ME2: variants seen among roughly 807,000 people sequenced by gnomAD.
ME2 encodes malic enzyme 2.
A neutral mutation model predicts 73.7 loss-of-function variants in ME2; 60 were observed. That is an observed-to-expected ratio of 0.81 (90% CI 0.66 to 1.01). ME2 has a LOEUF of 1.01. Ranked by LOEUF, ME2 falls within the 50% of genes least tolerant of loss-of-function variation. The pLI, the probability that ME2 is intolerant of heterozygous loss-of-function variation, is 0.00. For synonymous variants in ME2, 199 were observed against 236.9 expected (o/e 0.84, Z 1.47); for missense variants, 594 against 705.5 (o/e 0.84, Z 1.79).
At position 50,927,013 on chromosome 18, in the gene ME2, G is replaced by A. The variant is rs959184581; in HGVS notation, c.1314+1115G>A. Reference sequence around the variant, plus strand: ...GGCTGTTTTTTTTGAGTCATCTGGCGCTGTGGAGAACAAATTTTTATTTAC... The same window carrying A: ...GGCTGTTTTTTTTGAGTCATCTGGCACTGTGGAGAACAAATTTTTATTTAC... On this transcript the variant is annotated intron_variant, in intron 12 of 15. Coordinates refer to ENST00000321341, the MANE Select transcript of ME2 (RefSeq NM_002396.5). 1.4e-4 allele frequency among the ~76,000 whole-genome samples: 21 copies of A among 152,174 alleles called. No homozygotes were observed. In the East Asian group the frequency reaches 1.9e-3, roughly 14 times the overall value.
intron 1 of ME2, among the ~76,000 whole-genome samples, chr18:50,883,958 C>A (rs542629233): frequency 6.6e-6 from 1 of 152,192 alleles, no homozygotes; most frequent in Non-Finnish European, 1.5e-5. Context: ...GTTTTTACTT[C>A]ACTCACTCCT....
intron 2 of ME2, among the ~76,000 whole-genome samples, chr18:50,902,890 G>T (rs1398933575): frequency 6.6e-6 from 1 of 152,194 alleles, no homozygotes; most frequent in Non-Finnish European, 1.5e-5. Context: ...TGGAATTCCA[G>T]TGGCTGATGA....
At chr18:50,942,066 A>T (rs1917977667) in intron 15 of ME2, among the ~76,000 whole-genome samples, 1 of 151,880 alleles carries the variant, frequency 6.6e-6, no homozygotes, top group Non-Finnish European at 1.5e-5. Context: ...TATTTTGTGG[A>T]TTCTCTCCTC....
chr18:50,917,737 C>T (rs2032917621), intron 6 of ME2, among the ~76,000 whole-genome samples: 4 of 151,764 alleles, frequency 2.6e-5, no homozygotes, highest in South Asian at 4.2e-4. Context: ...ATTGGAAGGC[C>T]GAGGCAGGCA....
At chr18:50,880,649 C>G (rs1916297076) in intron 1 of ME2, among the ~76,000 whole-genome samples, 1 of 152,156 alleles carries the variant, frequency 6.6e-6, no homozygotes, top group Non-Finnish European at 1.5e-5. Flanking sequence ...AACTCCTGAC[C>G]TCAAGTGATC....
At chr18:50,939,801 A>T in intron 14 of ME2, 161 bp downstream of exon 14, 1 of 561,720 alleles carries the variant, frequency 1.8e-6, no homozygotes, top group Non-Finnish European at 3.1e-6. Flanking sequence ...CATAAAATTA[A>T]TTTTTTTAAT....
intron 15 of ME2, among the ~76,000 whole-genome samples, chr18:50,940,777 T>C (rs1325869572): frequency 6.6e-6 from 1 of 152,206 alleles, no homozygotes; most frequent in Non-Finnish European, 1.5e-5. Context: ...GTGCCCATTC[T>C]TATAATTGGT....
At chr18:50,941,082 AC>A (rs1257139922) in intron 15 of ME2, among the ~76,000 whole-genome samples, 2 of 149,590 alleles carry the variant, frequency 1.3e-5, no homozygotes, top group African/African-American at 4.9e-5. Context: ...ACATGGTGAA[AC>A]CCCGTCTCTA....
At chr18:50,919,776 A>G (rs532983021) in intron 7 of ME2, among the ~76,000 whole-genome samples, 4 of 152,042 alleles carry the variant, frequency 2.6e-5, no homozygotes, top group African/African-American at 7.2e-5. Flanking sequence ...CACTGTTTCT[A>G]CATGGGATGC....
In ME2 at chr18:50,917,430, T is replaced by C. The variant is rs763278968; in HGVS notation, c.552T>C (p.Leu184=). The C allele has an allele frequency of 6.2e-7, 1 of 1,613,596 alleles. No homozygotes were observed. Among genetic ancestry groups the C allele is most frequent in the Non-Finnish European group, 8.5e-7 (1 of 1,179,752 alleles). The change falls in exon 6 of 16, where the codon CTT becomes CTC. Residue 184 remains leucine (L), a synonymous_variant. Coordinates refer to ENST00000321341, the MANE Select transcript of ME2 (RefSeq NM_002396.5). ...GAATGGGAATTCCAGTAGGAAAACT[T>C]TGTTTGTATACAGCTTGTGCAGGAA... The part of the protein sequence containing the change: ...VYGMGIPVGK[L]CLYTACAGIR...
chr18:50,884,151 A>G (rs1377184393), intron 1 of ME2, among the ~76,000 whole-genome samples: 1 of 151,980 alleles, frequency 6.6e-6, no homozygotes. Flanking sequence ...CCTACTAAAG[A>G]CACTATTAAA....
intron 4 of ME2, chr18:50,915,865 ATTT>A: frequency 8.2e-5 from 15 of 183,522 alleles, no homozygotes; most frequent in South Asian, 2.6e-4. Context: ...CTTGCTTTAG[ATTT>A]TTTTTTTTTT....
chr18:50,917,994 G>A (rs1205685545), intron 6 of ME2, 116 bp from the exon 7 acceptor site: 1 of 572,376 alleles, frequency 1.7e-6, no homozygotes, highest in South Asian at 3.4e-5. Flanking sequence ...AAAGTTTCTT[G>A]TAGGGCAATA....
intron 2 of ME2, among the ~76,000 whole-genome samples, chr18:50,903,454 C>T (rs1440714180): frequency 3.3e-5 from 5 of 151,988 alleles, no homozygotes; most frequent in Non-Finnish European, 5.9e-5. Flanking sequence ...ATAGGCAAAG[C>T]GTACTTTTTT....
At chr18:50,939,460 G>A in intron 13 of ME2, 110 bp from the exon 14 acceptor site, 1 of 631,022 alleles carries the variant, frequency 1.6e-6, no homozygotes. Flanking sequence ...TGTTTGGGGG[G>A]AGCTGTTTGC....
At chr18:50,935,998 G>A (rs759799832) in intron 13 of ME2, among the ~76,000 whole-genome samples, 1 of 151,914 alleles carries the variant, frequency 6.6e-6, no homozygotes, top group African/African-American at 2.4e-5. Context: ...TTTAGAACTG[G>A]TGATTGACAA....
intron 1 of ME2, among the ~76,000 whole-genome samples, chr18:50,887,747 G>A (rs1026517758): frequency 6.6e-6 from 1 of 152,150 alleles, no homozygotes; most frequent in South Asian, 2.1e-4. Flanking sequence ...CCAAGGGTTG[G>A]TTTCCACAAC....
At chr18:50,913,505 G>A (rs1599105027) in intron 4 of ME2, among the ~76,000 whole-genome samples, 1 of 151,946 alleles carries the variant, frequency 6.6e-6, no homozygotes, top group Non-Finnish European at 1.5e-5. Context: ...GCTAATTTTT[G>A]TATTTTTAGT....
intron 2 of ME2, among the ~76,000 whole-genome samples, chr18:50,906,210 A>G (rs575774203): frequency 6.6e-6 from 1 of 152,252 alleles, no homozygotes; most frequent in Non-Finnish European, 1.5e-5. Flanking sequence ...TTTTTGTTGA[A>G]AACTGGACAT....
Sources: gnomAD v4.1 joint callset for allele counts (sites outside exome capture counted in the v4.1 genomes callset) on GRCh38, gnomAD v4.1.1 for gene constraint, MANE v1.5 for transcripts, NCBI Gene and HGNC (gene_info 2026-07-23, HGNC 2026-07-21) for gene names.